APP: variants seen among roughly 807,000 people sequenced by gnomAD.
APP encodes amyloid beta precursor protein, also known as amyloid-beta precursor protein.
In APP, 31 loss-of-function variants were observed where a neutral mutation model predicts 101.4. That is an observed-to-expected ratio of 0.31 (90% CI 0.23 to 0.41). The LOEUF is 0.41. Ranked by LOEUF, APP falls within the 10% of genes least tolerant of loss-of-function variation. The pLI, the probability that APP is intolerant of heterozygous loss-of-function variation, is 1.00. For synonymous variants in APP, 366 were observed against 364.4 expected (o/e 1.00, Z -0.05); for missense variants, 839 against 1,003.7 (o/e 0.84, Z 2.22).
intron 6 of APP, among the ~76,000 whole-genome samples, chr21:26,002,392 C>CTTTG (rs1601171748): frequency 1.9e-3 from 1 of 536 alleles, no homozygotes; most frequent in East Asian, 0.031. Flanking sequence ...TTGTGGATCC[C>CTTTG]ATCAACTATA....
intron 2 of APP, among the ~76,000 whole-genome samples, chr21:26,100,565 C>T (rs2062032739): frequency 6.6e-6 from 1 of 152,148 alleles, no homozygotes; most frequent in South Asian, 2.1e-4. Flanking sequence ...TAATTTCATA[C>T]AACTGTAGAA....
At chr21:26,031,715 C>CA (rs869093257) in intron 5 of APP, among the ~76,000 whole-genome samples, 13 of 80 alleles carry the variant, frequency 0.16, no homozygotes, top group Non-Finnish European at 0.19. Context: ...CTGGGTCCCT[C>CA]CACAACATGT....
chr21:26,016,931 G>A (rs865821305), intron 6 of APP, among the ~76,000 whole-genome samples: 3 of 14,416 alleles, frequency 2.1e-4, no homozygotes, highest in Admixed American at 5.3e-4. Context: ...AGCACTTTGT[G>A]GGGGGCGGGG....
intron 5 of APP, among the ~76,000 whole-genome samples, chr21:26,042,243 G>C (rs1006711101): frequency 6.6e-5 from 10 of 152,250 alleles, no homozygotes; most frequent in Non-Finnish European, 1.0e-4. Flanking sequence ...AAGATATATA[G>C]TCAAATACAG....
intron 13 of APP, among the ~76,000 whole-genome samples, chr21:25,921,262 C>A (rs375406641): frequency 9.3e-6 from 1 of 108,020 alleles, no homozygotes; most frequent in African/African-American, 3.9e-5. Context: ...ACTAAATGCC[C>A]ACAAGAGAAA....
At chr21:25,904,506 T>C (rs1476223290) in intron 15 of APP, among the ~76,000 whole-genome samples, 1 of 152,222 alleles carries the variant, frequency 6.6e-6, no homozygotes, top group Non-Finnish European at 1.5e-5. Context: ...AGATGTATTT[T>C]GGGCTCTGGA....
intron 5 of APP, among the ~76,000 whole-genome samples, chr21:26,037,359 GA>G (rs1476498464): frequency 1.3e-5 from 2 of 152,140 alleles, no homozygotes; most frequent in Non-Finnish European, 2.9e-5. Flanking sequence ...CAAACAGCTA[GA>G]AGCAGGATAT....
Position 26,166,927 on chromosome 21 carries a change from G to GGTGTGT in APP, c.57+3631_57+3636dup, listed in dbSNP as rs10600074. 4.7e-3 allele frequency among the ~76,000 whole-genome samples: 705 copies of GGTGTGT among 148,626 alleles called. 4 individuals carry two copies. Among genetic ancestry groups the GGTGTGT allele is most frequent in the African/African-American group, 0.011 (459 of 40,052 alleles). ...GAGAAAGAGAGAGAAAGAGACAGAG[G>GGTGTGT]GTGTGTGTGTGTGTGTGTGTGTGTG... On this transcript the variant is annotated intron_variant, in intron 1 of 17. Transcript: ENST00000346798.
At chr21:26,001,553 C>T (rs966721613) in intron 6 of APP, among the ~76,000 whole-genome samples, 1 of 152,226 alleles carries the variant, frequency 6.6e-6, no homozygotes, top group Non-Finnish European at 1.5e-5. Flanking sequence ...CACTGCCGCC[C>T]AGTGGCACAA....
rs952253213 is a variant in APP at position 25,918,787 on chromosome 21, G to A, written c.1688-6825C>T. The stretch of plus-strand genomic sequence containing the variant: ...GCAGTCTGAGATCAAACTGCAAGGC[G>A]GCAGCGAGGCTGGGGGAGGGGAGCC... On this transcript the variant is annotated intron_variant, in intron 13 of 17. Coordinates refer to ENST00000346798, the MANE Select transcript of APP (RefSeq NM_000484.4). Among the ~76,000 whole-genome samples the A allele has an allele frequency of 2.0e-3, 301 of 150,674 alleles. 1 individual carries two copies. Among genetic ancestry groups the A allele is most frequent in the Admixed American group, 3.1e-3 (45 of 14,730 alleles).
chr21:26,062,277 G>A (rs1217558153), intron 3 of APP, among the ~76,000 whole-genome samples: 1 of 150,012 alleles, frequency 6.7e-6, no homozygotes, highest in African/African-American at 2.5e-5. Context: ...GTTTAACCCA[G>A]GCTCTGAATA....
chr21:25,908,712 A>G (rs190044872), intron 14 of APP, among the ~76,000 whole-genome samples: 246 of 149,374 alleles, frequency 1.6e-3, no homozygotes, highest in Non-Finnish European at 2.6e-3. Context: ...AAAAGCTACC[A>G]CTGACATTTA....
chr21:25,949,713 A>G (rs1396936540), intron 13 of APP, among the ~76,000 whole-genome samples: 1 of 152,208 alleles, frequency 6.6e-6, no homozygotes, highest in African/African-American at 2.4e-5. Flanking sequence ...GAGGGTTAGT[A>G]GAGATATAAA....
At chr21:25,943,583 G>C (rs534610753) in intron 13 of APP, among the ~76,000 whole-genome samples, 17 of 151,932 alleles carry the variant, frequency 1.1e-4, no homozygotes, top group African/African-American at 4.1e-4. Flanking sequence ...CGAGTAGCTG[G>C]GATTACAGGC....
chr21:25,962,154 C>G (rs1354794421), intron 11 of APP, among the ~76,000 whole-genome samples: 2 of 152,130 alleles, frequency 1.3e-5, no homozygotes, highest in African/African-American at 4.8e-5. Context: ...TAATTATGTG[C>G]TGTCTGTTTG....
At chr21:25,927,698 CACAA>C (rs939907156) in intron 13 of APP, among the ~76,000 whole-genome samples, 23 of 152,154 alleles carry the variant, frequency 1.5e-4, no homozygotes, top group African/African-American at 4.8e-4. Context: ...CTGGAAGGGA[CACAA>C]ACAAAGCTTC....
At chr21:25,885,695 A>G (rs549275269) in intron 17 of APP, among the ~76,000 whole-genome samples, 2 of 152,302 alleles carry the variant, frequency 1.3e-5, no homozygotes, top group South Asian at 2.1e-4. Flanking sequence ...CACACGCTGA[A>G]AAGAGCTGAG....
At chr21:25,973,673 T>G (rs972486029) in intron 11 of APP, among the ~76,000 whole-genome samples, 16 of 151,988 alleles carry the variant, frequency 1.1e-4, no homozygotes, top group Non-Finnish European at 1.6e-4. Context: ...CTGGGCATGG[T>G]GGTTCACGCC....
At chr21:25,995,672 C>A (rs2146657989) in intron 8 of APP, among the ~76,000 whole-genome samples, 1 of 152,318 alleles carries the variant, frequency 6.6e-6, no homozygotes. Flanking sequence ...ATAGCTAGAG[C>A]TTTTTCCTAG....
Sources: gnomAD v4.1 joint callset for allele counts (sites outside exome capture counted in the v4.1 genomes callset) on GRCh38, gnomAD v4.1.1 for gene constraint, MANE v1.5 for transcripts, NCBI Gene and HGNC (gene_info 2026-07-23, HGNC 2026-07-21) for gene names.